NOVA1: variants seen among roughly 807,000 people sequenced by gnomAD.
The protein encoded by NOVA1 is RNA-binding protein Nova-1.
NOVA1 carries 7 observed loss-of-function variants against 38.0 expected under a neutral mutation model. The observed-to-expected ratio is 0.18, with a 90% confidence interval of 0.10 to 0.35. The LOEUF (loss-of-function observed/expected upper bound fraction) is 0.35. NOVA1 is among the 10% of genes least tolerant of loss of function. The pLI, the probability that NOVA1 is intolerant of heterozygous loss-of-function variation, is 1.00. For missense variants in NOVA1, 460 were observed against 616.0 expected (o/e 0.75, Z 2.68); for synonymous variants, 270 against 232.5 (o/e 1.16, Z -1.47).
chr14:26,516,692 C>T (rs2138482234), intron 2 of NOVA1, among the ~76,000 whole-genome samples: 1 of 152,292 alleles, frequency 6.6e-6, no homozygotes, highest in South Asian at 2.1e-4. Flanking sequence ...TATTTAGGCT[C>T]TATTGAACAG....
intron 2 of NOVA1, among the ~76,000 whole-genome samples, chr14:26,495,545 T>C (rs1886699342): frequency 6.6e-6 from 1 of 152,126 alleles, no homozygotes; most frequent in Non-Finnish European, 1.5e-5. Context: ...GTGCACAATG[T>C]GCAGGTTAGT....
At chr14:26,460,839 TTAAAA>T (rs1425424250) in intron 4 of NOVA1, among the ~76,000 whole-genome samples, 1 of 152,164 alleles carries the variant, frequency 6.6e-6, no homozygotes. Context: ...ATTAAAATGT[TTAAAA>T]TAAACTTGAT....
chr14:26,460,971 T>C (rs1345367022), intron 4 of NOVA1, among the ~76,000 whole-genome samples: 1 of 152,144 alleles, frequency 6.6e-6, no homozygotes, highest in Non-Finnish European at 1.5e-5. Context: ...AACTACACAT[T>C]GTGGAATAAG....
chr14:26,565,678 T>C (rs1044169780), intron 2 of NOVA1, among the ~76,000 whole-genome samples: 1 of 152,144 alleles, frequency 6.6e-6, no homozygotes, highest in Admixed American at 6.5e-5. Context: ...CTAAATGATA[T>C]TGTGTGGAAT....
chr14:26,567,881 G>A (rs756696325), intron 2 of NOVA1, among the ~76,000 whole-genome samples: 2 of 152,164 alleles, frequency 1.3e-5, no homozygotes, highest in Non-Finnish European at 2.9e-5. Flanking sequence ...TCTCTGAACT[G>A]CTGCACCTTT....
At chr14:26,473,531 A>T (rs535424128) in intron 3 of NOVA1, among the ~76,000 whole-genome samples, 226 of 152,142 alleles carry the variant, frequency 1.5e-3, no homozygotes, top group African/African-American at 4.9e-3. Context: ...GTGTCAGGAA[A>T]AGCAGATGAA....
intron 4 of NOVA1, among the ~76,000 whole-genome samples, chr14:26,459,344 G>A (rs555432050): frequency 6.6e-6 from 1 of 152,100 alleles, no homozygotes; most frequent in Admixed American, 6.6e-5. Flanking sequence ...ACAGTATTTA[G>A]TAAGGTAACA....
intron 2 of NOVA1, among the ~76,000 whole-genome samples, chr14:26,546,267 G>C (rs1053681599): frequency 4.6e-5 from 7 of 151,872 alleles, no homozygotes; most frequent in Non-Finnish European, 7.4e-5. Context: ...TGACCACTTA[G>C]GATAAAAAGA....
chr14:26,491,732 C>T (rs989235394), intron 2 of NOVA1, among the ~76,000 whole-genome samples: 2 of 152,094 alleles, frequency 1.3e-5, no homozygotes, highest in Non-Finnish European at 2.9e-5. Flanking sequence ...GAACTTGATA[C>T]CCTTGTCAAA....
intron 2 of NOVA1, among the ~76,000 whole-genome samples, chr14:26,581,122 T>C (rs1392719369): frequency 6.6e-6 from 1 of 152,058 alleles, no homozygotes; most frequent in Non-Finnish European, 1.5e-5. Context: ...CTGATTAAAA[T>C]AGTACACCTA....
intron 2 of NOVA1, among the ~76,000 whole-genome samples, chr14:26,551,475 C>T (rs115423511): frequency 0.011 from 1,706 of 152,034 alleles, 23 homozygotes; most frequent in Middle Eastern, 0.058. Flanking sequence ...TAAAATAGAT[C>T]GATATCACAA....
intron 2 of NOVA1, among the ~76,000 whole-genome samples, chr14:26,486,485 G>A (rs567888870): frequency 1.5e-4 from 23 of 151,784 alleles, no homozygotes; most frequent in African/African-American, 5.1e-4. Context: ...TGAGGCGGGC[G>A]GATCATGAGG....
chr14:26,596,713 G>A, intron 1 of NOVA1: 1 of 1,284,990 alleles, frequency 7.8e-7, no homozygotes. Flanking sequence ...CCCCACCCTC[G>A]TATGCACCCC....
At chr14:26,504,080 T>C (rs1342205645) in intron 2 of NOVA1, among the ~76,000 whole-genome samples, 1 of 152,148 alleles carries the variant, frequency 6.6e-6, no homozygotes, top group Admixed American at 6.5e-5. Context: ...ATATATACCA[T>C]TTAAAATTTA....
chr14:26,500,331 AT>A (rs1206209333), intron 2 of NOVA1, among the ~76,000 whole-genome samples: 2 of 152,128 alleles, frequency 1.3e-5, no homozygotes, highest in Non-Finnish European at 1.5e-5. Context: ...AAATGAAAGA[AT>A]AAATAGATGG....
intron 2 of NOVA1, among the ~76,000 whole-genome samples, chr14:26,591,988 C>T (rs2138814776): frequency 6.6e-6 from 1 of 151,288 alleles, no homozygotes; most frequent in African/African-American, 2.4e-5. Context: ...TAGACAGATT[C>T]CAACACTATA....
At chr14:26,587,553 A>C (rs1270065783) in intron 2 of NOVA1, among the ~76,000 whole-genome samples, 2 of 151,006 alleles carry the variant, frequency 1.3e-5, no homozygotes, top group Non-Finnish European at 3.0e-5. Context: ...TTTCAAAAAA[A>C]ATTACCTTCA....
chr14:26,597,729 A>C lies in NOVA1; in HGVS notation c.-293T>G. On this transcript the variant is annotated 5_prime_UTR_variant, in exon 1 of 5. Transcript: ENST00000539517. ...GTGAAAGAAGAAGAAGAAAGGAGACAGGGGGAGAGAGTGGAGAAGGGAGAG... is the reference window on the plus strand; with the variant it reads ...GTGAAAGAAGAAGAAGAAAGGAGACCGGGGGAGAGAGTGGAGAAGGGAGAG... The C allele has an allele frequency of 1.1e-5, 11 of 1,023,810 alleles. No individual in the cohort carries two copies. Among genetic ancestry groups the C allele is most frequent in the Non-Finnish European group, 1.2e-5 (10 of 857,072 alleles). 63.4% of individuals were successfully genotyped at this position (1,023,810 alleles called of 1,614,324 possible).
chr14:26,465,944 TA>T (rs1341197718), intron 4 of NOVA1, among the ~76,000 whole-genome samples: 1 of 151,784 alleles, frequency 6.6e-6, no homozygotes, highest in African/African-American at 2.4e-5. Context: ...GAAAAAAGCT[TA>T]AAAAACAGCA....
Sources: gnomAD v4.1 joint callset for allele counts (sites outside exome capture counted in the v4.1 genomes callset) on GRCh38, gnomAD v4.1.1 for gene constraint, MANE v1.5 for transcripts, NCBI Gene and HGNC (gene_info 2026-07-23, HGNC 2026-07-21) for gene names.